Variants in ESR1 observed in about 807,000 individuals in gnomAD.
The protein encoded by ESR1 is estrogen receptor.
A neutral mutation model predicts 52.7 loss-of-function variants in ESR1; 12 were observed. The observed-to-expected ratio is 0.23, with a 90% confidence interval of 0.15 to 0.37. ESR1 has a LOEUF of 0.37. Ranked by LOEUF, ESR1 falls within the 10% of genes least tolerant of loss-of-function variation. ESR1 has a pLI of 1.00. For synonymous variants in ESR1, 305 were observed against 316.8 expected, an observed-to-expected ratio of 0.96 and a Z score of 0.39; for missense variants, 584 against 779.7, an observed-to-expected ratio of 0.75 and a Z score of 2.99.
intron 1 of ESR1, among the ~76,000 whole-genome samples, chr6:151,825,782 C>T (rs556600575): frequency 1.3e-5 from 2 of 151,954 alleles, no homozygotes; most frequent in Admixed American, 6.6e-5. Context: ...TGTGGTGACA[C>T]GTGCCTGTAA....
rs898272680 is a variant in ESR1, at chr6:151,865,205, A to G, written c.644-15450A>G. Among the ~76,000 whole-genome samples, 9 of 152,290 alleles carry G rather than the reference A, an allele frequency of 5.9e-5. No individual in the cohort carries two copies. In the East Asian group the frequency reaches 1.7e-3, roughly 29 times the overall value. ...CCCCACACATAGATATTTTGTTAAC[A>G]TACATTACCTTATGCTCTACACATT... On this transcript the variant is annotated intron_variant, in intron 2 of 7. Coordinates refer to ENST00000206249, the MANE Select transcript of ESR1 (RefSeq NM_000125.4).
Position 151,842,580 on chromosome 6 carries a change from TG to T in ESR1, c.453-16del, listed in dbSNP as rs1018343705. 6.2e-7 allele frequency: 1 copy of T among 1,610,596 alleles called. No individual in the cohort carries two copies. Among genetic ancestry groups the T allele is most frequent in the African/African-American group, 1.3e-5 (1 of 74,980 alleles). ...GCTTTTCTAATGTTAATGGATTTAC[TG>T]TTTTTTTCCCCCCAGGCCAAATTCA... On this transcript the variant is annotated splice_polypyrimidine_tract_variant and intron_variant, in intron 1 of 7. Coordinates refer to ENST00000206249, the MANE Select transcript of ESR1 (RefSeq NM_000125.4).
At chr6:151,859,660 C>T (rs576279593) in intron 2 of ESR1, among the ~76,000 whole-genome samples, 6 of 152,182 alleles carry the variant, frequency 3.9e-5, no homozygotes, top group Non-Finnish European at 7.3e-5. Context: ...GCAACAGCTG[C>T]CAGGGTTGAC....
intron 6 of ESR1, among the ~76,000 whole-genome samples, chr6:152,120,932 A>T (rs1317517745): frequency 6.6e-6 from 1 of 152,190 alleles, no homozygotes; most frequent in Non-Finnish European, 1.5e-5. Flanking sequence ...GGCTAGGGTG[A>T]CACAGACCTT....
At chr6:152,015,167 G>A (rs1243019852) in intron 5 of ESR1, among the ~76,000 whole-genome samples, 2 of 152,136 alleles carry the variant, frequency 1.3e-5, no homozygotes, top group African/African-American at 2.4e-5. Flanking sequence ...GACCCAGTGA[G>A]CCCTTGTCCA....
chr6:152,084,421 T>A (rs1270146449), intron 6 of ESR1, among the ~76,000 whole-genome samples: 10 of 144,160 alleles, frequency 6.9e-5, no homozygotes, highest in East Asian at 2.0e-4. Flanking sequence ...TAAAGTATAA[T>A]AAAAAAAAAA....
intron 2 of ESR1, among the ~76,000 whole-genome samples, chr6:151,717,183 G>T (rs1235597173): frequency 1.3e-5 from 2 of 152,176 alleles, no homozygotes; most frequent in Non-Finnish European, 2.9e-5. Flanking sequence ...TCTGTGGGCT[G>T]CACCCACTGT....
rs1200776295 is a variant in ESR1 at position 151,748,471 on chromosome 6, T to C, written c.-71+46466T>C. On this transcript the variant is annotated intron_variant, in intron 2 of 2. Coordinates refer to the ESR1 transcript ENST00000404742. Reference sequence around the variant, plus strand: ...TATTTTTTGTGACGATGTACCTTCGTTCGTTTTAACAGCTTTTCTAATGAA... The same window carrying C: ...TATTTTTTGTGACGATGTACCTTCGCTCGTTTTAACAGCTTTTCTAATGAA... 2.0e-5 allele frequency among the ~76,000 whole-genome samples: 3 copies of C among 152,200 alleles called. No individual in the cohort carries two copies. The East Asian group carries it at 5.8e-4, about 29-fold the overall frequency.
intron 1 of ESR1, chr6:151,811,245 A>G (rs998620742): frequency 3.3e-5 from 5 of 152,232 alleles, no homozygotes; most frequent in Non-Finnish European, 7.4e-5. Context: ...TAAATTTGTT[A>G]CTTGGCAAGC....
At chr6:151,920,863 A>G (rs1446325485) in intron 3 of ESR1, among the ~76,000 whole-genome samples, 1 of 152,106 alleles carries the variant, frequency 6.6e-6, no homozygotes, top group Non-Finnish European at 1.5e-5. Context: ...TGTATTATAC[A>G]GTTACTCTTC....
At chr6:152,072,157 C>T (rs2048404159) in intron 6 of ESR1, among the ~76,000 whole-genome samples, 1 of 152,200 alleles carries the variant, frequency 6.6e-6, no homozygotes, top group African/African-American at 2.4e-5. Context: ...TTATAAACAT[C>T]TCCTTTTGAA....
At chr6:151,981,786 C>T (rs2040017042) in intron 4 of ESR1, among the ~76,000 whole-genome samples, 1 of 152,192 alleles carries the variant, frequency 6.6e-6, no homozygotes, top group African/African-American at 2.4e-5. Context: ...ATAACTTACT[C>T]CATCGGTAGA....
intron 2 of ESR1, among the ~76,000 whole-genome samples, chr6:151,760,559 G>A (rs1297950883): frequency 6.6e-6 from 1 of 151,952 alleles, no homozygotes; most frequent in Non-Finnish European, 1.5e-5. Context: ...CCTTTGTTTT[G>A]TTCTCTCCTT....
At chr6:152,043,265 C>CT (rs1562715312) in intron 5 of ESR1, among the ~76,000 whole-genome samples, 1 of 152,036 alleles carries the variant, frequency 6.6e-6, no homozygotes, top group African/African-American at 2.4e-5. Flanking sequence ...CTATTAGAAC[C>CT]TTTTTTAACT....
At chr6:151,958,114 G>C (rs569960125) in intron 4 of ESR1, among the ~76,000 whole-genome samples, 2 of 152,198 alleles carry the variant, frequency 1.3e-5, no homozygotes, top group Non-Finnish European at 2.9e-5. Flanking sequence ...GAATAAATGA[G>C]TTCTTTTAAT....
In ESR1 at chr6:152,040,645, A is replaced by G. The variant is rs143334239; in HGVS notation, c.1236-20346A>G. Among the ~76,000 whole-genome samples, 131 of 152,312 alleles carry G rather than the reference A, an allele frequency of 8.6e-4. 1 individual carries two copies. Among genetic ancestry groups the G allele is most frequent in the African/African-American group, 3.1e-3 (127 of 41,570 alleles). Reference sequence around the variant, plus strand: ...AGGGGCACTGCTCAAAGTTCTGTGCATTGGGAAGATTTCCCTTCACTGCTG... The same window carrying G: ...AGGGGCACTGCTCAAAGTTCTGTGCGTTGGGAAGATTTCCCTTCACTGCTG... On this transcript the variant is annotated intron_variant, in intron 5 of 7. Coordinates refer to ENST00000206249, the MANE Select transcript of ESR1 (RefSeq NM_000125.4).
intron 1 of ESR1, among the ~76,000 whole-genome samples, chr6:151,693,527 G>T (rs552419943): frequency 4.6e-5 from 7 of 152,206 alleles, no homozygotes; most frequent in Non-Finnish European, 8.8e-5. Flanking sequence ...TGTCAAAAAC[G>T]TGTTACAAAT....
chr6:151,873,659 G>A (rs571661449), intron 2 of ESR1, among the ~76,000 whole-genome samples: 41 of 152,310 alleles, frequency 2.7e-4, no homozygotes, highest in African/African-American at 9.4e-4. Context: ...GGATAATATA[G>A]TCTTTCACTG....
chr6:152,019,245 G>C (rs1358004194), intron 5 of ESR1, among the ~76,000 whole-genome samples: 1 of 152,168 alleles, frequency 6.6e-6, no homozygotes. Flanking sequence ...AATGATACCT[G>C]AACTATATCT....
Sources: gnomAD v4.1 joint callset for allele counts (sites outside exome capture counted in the v4.1 genomes callset) on GRCh38, gnomAD v4.1.1 for gene constraint, MANE v1.5 for transcripts, NCBI Gene and HGNC (gene_info 2026-07-23, HGNC 2026-07-21) for gene names.